The following DAB1 variants were observed in gnomAD, a reference collection of about 807,000 sequenced individuals.
DAB1 encodes disabled homolog 1.
DAB1 carries 15 observed loss-of-function variants against 64.6 expected under a neutral mutation model. The ratio of observed to expected loss-of-function variants is 0.23; its 90% CI spans 0.16 to 0.36. The LOEUF (loss-of-function observed/expected upper bound fraction) is 0.36, where lower values mean the gene tolerates loss of function less well. Ranked by LOEUF, DAB1 falls within the 10% of genes least tolerant of loss-of-function variation. The probability of loss-of-function intolerance (pLI) is 1.00; values close to 1 mark genes in which losing one functional copy is unlikely to be tolerated. For synonymous variants in DAB1, 235 were observed against 251.9 expected (o/e 0.93, Z 0.64); for missense variants, 596 against 706.7 (o/e 0.84, Z 1.78).
intron 2 of DAB1, among the ~76,000 whole-genome samples, chr1:57,163,196 T>C (rs1263200397): frequency 6.6e-6 from 1 of 152,040 alleles, no homozygotes; most frequent in African/African-American, 2.4e-5. Context: ...AGGAAGTAAA[T>C]AAATAATGAA....
intron 2 of DAB1, among the ~76,000 whole-genome samples, chr1:57,200,700 C>T (rs1665020423): frequency 6.6e-6 from 1 of 152,128 alleles, no homozygotes; most frequent in Non-Finnish European, 1.5e-5. Context: ...CTTTATTTGA[C>T]CAGCCCCACA....
At position 57,962,175 on chromosome 1, in the gene DAB1, G is replaced by A. The variant is rs148389068; in HGVS notation, n.388-78013C>T. Among the ~76,000 whole-genome samples, 7 of 152,144 alleles carry A rather than the reference G, an allele frequency of 4.6e-5. No individual in the cohort carries two copies. In the East Asian group the frequency reaches 1.4e-3, roughly 29 times the overall value. ...AAGTTACTTAACCTCACTAGGTCTC[G>A]ACTTGCTCATCTTTAAGTGGGATCT... is the stretch of plus-strand genomic sequence containing the variant. On this transcript the variant is annotated intron_variant and non_coding_transcript_variant, in intron 5 of 20. Coordinates refer to the DAB1 transcript ENST00000485760.
intron 7 of DAB1, among the ~76,000 whole-genome samples, chr1:57,569,719 A>T (rs140967158): frequency 4.6e-5 from 7 of 152,138 alleles, no homozygotes; most frequent in African/African-American, 1.7e-4. Flanking sequence ...CATGTTGTGC[A>T]CATGTATCCT....
At chr1:57,309,178 C>T (rs998046839) in intron 1 of DAB1, among the ~76,000 whole-genome samples, 5 of 152,176 alleles carry the variant, frequency 3.3e-5, no homozygotes, top group African/African-American at 9.7e-5. Flanking sequence ...AGAGTCTTTA[C>T]TTTGCAGATG....
At chr1:58,408,215 T>C (rs1644635277) in intron 3 of DAB1, among the ~76,000 whole-genome samples, 1 of 152,190 alleles carries the variant, frequency 6.6e-6, no homozygotes, top group African/African-American at 2.4e-5. Flanking sequence ...GAGAGGCTCA[T>C]TTCTACCTCG....
chr1:58,329,728 G>A (rs914227198), intron 4 of DAB1, among the ~76,000 whole-genome samples: 6 of 152,082 alleles, frequency 3.9e-5, no homozygotes, highest in African/African-American at 1.4e-4. Context: ...ATTATTTTAT[G>A]TGTTATGGTG....
chr1:57,975,007 T>C (rs181597945), intron 5 of DAB1, among the ~76,000 whole-genome samples: 187 of 152,272 alleles, frequency 1.2e-3, no homozygotes, highest in Non-Finnish European at 2.5e-3. Flanking sequence ...GACTGAATGT[T>C]TGTATTCCCC....
intron 4 of DAB1, among the ~76,000 whole-genome samples, chr1:58,182,651 A>C (rs1553165812): frequency 6.6e-6 from 1 of 151,674 alleles, no homozygotes; most frequent in Non-Finnish European, 1.5e-5. Context: ...TTTTTTGGTA[A>C]TTTATATCTC....
chr1:58,448,228 T>C (rs1246286483), intron 3 of DAB1, among the ~76,000 whole-genome samples: 2 of 152,224 alleles, frequency 1.3e-5, no homozygotes, highest in South Asian at 2.1e-4. Flanking sequence ...ATAAAGGAAT[T>C]ACTTTGATTG....
intron 7 of DAB1, among the ~76,000 whole-genome samples, chr1:57,604,536 T>C (rs1645613430): frequency 1.3e-5 from 2 of 152,224 alleles, no homozygotes; most frequent in Admixed American, 1.3e-4. Context: ...CATCATTTTG[T>C]AGCAGATACT....
intron 2 of DAB1, among the ~76,000 whole-genome samples, chr1:57,215,778 C>T (rs1666379398): frequency 6.6e-6 from 1 of 152,178 alleles, no homozygotes; most frequent in Non-Finnish European, 1.5e-5. Context: ...CCACTTTTTT[C>T]CTTCGACATG....
chr1:57,563,658 G>C (rs188867084), intron 7 of DAB1, among the ~76,000 whole-genome samples: 1 of 152,146 alleles, frequency 6.6e-6, no homozygotes, highest in Non-Finnish European at 1.5e-5. Flanking sequence ...CACCTGGCTC[G>C]GAGGGTCCCA....
At chr1:57,987,842 T>G (rs1646258807) in intron 5 of DAB1, among the ~76,000 whole-genome samples, 1 of 132,586 alleles carries the variant, frequency 7.5e-6, no homozygotes, top group Non-Finnish European at 1.8e-5. Context: ...TTTTTTGTTT[T>G]TTTTGTTTTT....
chr1:57,526,098 C>G (rs2101399022), intron 7 of DAB1, among the ~76,000 whole-genome samples: 1 of 152,176 alleles, frequency 6.6e-6, no homozygotes, highest in African/African-American at 2.4e-5. Context: ...CCACCACACC[C>G]AGCTAATTTT....
intron 4 of DAB1, among the ~76,000 whole-genome samples, chr1:58,209,179 T>C (rs930168846): frequency 1.3e-5 from 2 of 152,214 alleles, no homozygotes; most frequent in African/African-American, 4.8e-5. Flanking sequence ...GAATGTGAGC[T>C]GGGATTTGCT....
chr1:57,121,086 T>A (rs1367511392), intron 4 of DAB1, among the ~76,000 whole-genome samples: 1 of 143,188 alleles, frequency 7.0e-6, no homozygotes, highest in African/African-American at 2.6e-5. Context: ...GAGAAGAATG[T>A]CCTAAGCAGA....
chr1:58,090,189 C>T (rs1026864533), intron 5 of DAB1, among the ~76,000 whole-genome samples: 3 of 151,330 alleles, frequency 2.0e-5, no homozygotes, highest in Admixed American at 6.6e-5. Flanking sequence ...ACTGAGGTTG[C>T]GTGGTTGAAA....
chr1:57,390,761 T>C (rs967873512), intron 1 of DAB1, among the ~76,000 whole-genome samples: 3 of 152,220 alleles, frequency 2.0e-5, no homozygotes, highest in Non-Finnish European at 2.9e-5. Flanking sequence ...ATCTTAATCT[T>C]CCCAATTTTT....
At chr1:57,797,763 A>G (rs1650939704) in intron 6 of DAB1, among the ~76,000 whole-genome samples, 1 of 152,222 alleles carries the variant, frequency 6.6e-6, no homozygotes, top group South Asian at 2.1e-4. Flanking sequence ...TACTTATCCT[A>G]TGTGGTTCTT....
Sources: allele counts gnomAD v4.1 joint callset (sites outside exome capture counted in the v4.1 genomes callset), GRCh38; gene constraint gnomAD v4.1.1; transcripts MANE v1.5; gene names NCBI Gene and HGNC (gene_info 2026-07-23, HGNC 2026-07-21).